The following BIN3 variants were observed in gnomAD, a reference collection of about 807,000 sequenced individuals.
BIN3 encodes bridging integrator 3.
Under a neutral mutation model 38.2 loss-of-function variants are expected in BIN3, and 41 were observed. That is an observed-to-expected ratio of 1.07 (90% CI 0.84 to 1.39). The LOEUF (loss-of-function observed/expected upper bound fraction) is 1.39. Among genes scored for constraint, BIN3 ranks in the 40% most tolerant of loss-of-function variants. The pLI is 0.00. For missense variants in BIN3, 361 were observed against 324.3 expected (o/e 1.11, Z -0.87); for synonymous variants, 145 against 122.6 (o/e 1.18, Z -1.21).
At chr8:22,621,850 C>T (rs1028875805) in intron 8 of BIN3, among the ~76,000 whole-genome samples, 4 of 152,152 alleles carry the variant, frequency 2.6e-5, no homozygotes, top group South Asian at 2.1e-4. Flanking sequence ...CCTCCTAGGG[C>T]GACTGTGGAA....
At chr8:22,625,649 A>T in intron 6 of BIN3, 2 of 507,616 alleles carry the variant, frequency 3.9e-6, no homozygotes, top group Non-Finnish European at 3.6e-6. Flanking sequence ...GTACAGTGGT[A>T]TGATCTCTGC....
rs767807082 is a variant in BIN3, at chr8:22,629,948, G to A, written c.338+16C>T. ...TCCCATAAGTGCCCCGAGGCCCCCA[G>A]GTGACATTTACTCACTTTTTTAAGG... On this transcript the variant is annotated intron_variant, in intron 6 of 8. Transcript: ENST00000276416. 8 of 1,601,316 alleles carry A rather than the reference G, an allele frequency of 5.0e-6. No homozygotes were observed. The African/African-American group carries it at 5.4e-5, about 11-fold the overall frequency.
intron 1 of BIN3, among the ~76,000 whole-genome samples, chr8:22,655,561 C>G (rs958287603): frequency 1.3e-5 from 2 of 152,156 alleles, no homozygotes; most frequent in Non-Finnish European, 2.9e-5. Flanking sequence ...GTTCTGGCAT[C>G]TTTGTTACAA....
At chr8:22,662,025 C>T (rs1012174977) in intron 1 of BIN3, among the ~76,000 whole-genome samples, 1 of 152,202 alleles carries the variant, frequency 6.6e-6, no homozygotes, top group African/African-American at 2.4e-5. Context: ...GAACTCCTGA[C>T]CTCAACTGAT....
intron 6 of BIN3, among the ~76,000 whole-genome samples, chr8:22,626,943 G>A (rs755324846): frequency 2.6e-5 from 4 of 152,206 alleles, no homozygotes; most frequent in Non-Finnish European, 5.9e-5. Context: ...GGTGAGGGAG[G>A]CCGGGTTACA....
intron 1 of BIN3, 187 bp from the exon 2 acceptor site, chr8:22,644,990 T>G (rs554887090): frequency 3.6e-6 from 2 of 548,210 alleles, no homozygotes; most frequent in Non-Finnish European, 6.7e-6. Context: ...AAGAGAGAGA[T>G]AGGTCCTCCC....
intron 1 of BIN3, among the ~76,000 whole-genome samples, chr8:22,649,859 C>CACCCA (rs1563973928): frequency 1.5e-5 from 2 of 133,592 alleles, no homozygotes; most frequent in African/African-American, 6.5e-5. Context: ...ACACACACAC[C>CACCCA]CCCAAAGGAA....
chr8:22,647,939 A>T (rs1387368818), intron 1 of BIN3, among the ~76,000 whole-genome samples: 2 of 151,752 alleles, frequency 1.3e-5, no homozygotes, highest in Non-Finnish European at 2.9e-5. Context: ...ATCCTGGCTA[A>T]CACGGTGAAA....
chr8:22,627,036 C>A (rs73671217), intron 6 of BIN3, among the ~76,000 whole-genome samples: 1 of 152,202 alleles, frequency 6.6e-6, no homozygotes, highest in Non-Finnish European at 1.5e-5. Context: ...GGAACCAAGA[C>A]CACCTGCCTC....
chr8:22,667,864 C>T (rs577991334), intron 1 of BIN3, among the ~76,000 whole-genome samples: 34 of 152,188 alleles, frequency 2.2e-4, no homozygotes, highest in African/African-American at 8.2e-4. Flanking sequence ...AGAAGTATCC[C>T]TGACACTGAC....
At chr8:22,643,909 T>G (rs1352415623) in intron 2 of BIN3, among the ~76,000 whole-genome samples, 2 of 152,130 alleles carry the variant, frequency 1.3e-5, no homozygotes, top group African/African-American at 4.8e-5. Flanking sequence ...CCACTCAGAT[T>G]TGTGGGTCAG....
At chr8:22,635,397 A>G (rs1212101643) in intron 4 of BIN3, among the ~76,000 whole-genome samples, 1 of 151,940 alleles carries the variant, frequency 6.6e-6, no homozygotes, top group Non-Finnish European at 1.5e-5. Context: ...GCATCTGCTG[A>G]GTGAGAGGAA....
chr8:22,621,299 G>C lies in BIN3; in HGVS notation c.*123C>G. ...CTCAGGAAGAGTCATTCATTGCAAAGGGCCGGCAAGTGAACCAGGGCCACC... is the reference window on the plus strand; with the variant it reads ...CTCAGGAAGAGTCATTCATTGCAAACGGCCGGCAAGTGAACCAGGGCCACC... On this transcript the variant is annotated 3_prime_UTR_variant, in exon 9 of 9. Coordinates refer to ENST00000276416, the MANE Select transcript of BIN3 (RefSeq NM_018688.6). 7.6e-7 allele frequency: 1 copy of C among 1,316,208 alleles called. No individual in the cohort carries two copies. Among genetic ancestry groups the C allele is most frequent in the South Asian group, 1.5e-5 (1 of 67,708 alleles). 81.5% of individuals were successfully genotyped at this position (1,316,208 alleles called of 1,614,324 possible).
chr8:22,648,941 AAGTGTG>A (rs1802798622), intron 1 of BIN3, among the ~76,000 whole-genome samples: 2 of 149,664 alleles, frequency 1.3e-5, no homozygotes, highest in South Asian at 4.2e-4. Context: ...GTATGTATGT[AAGTGTG>A]TGTGTGTATT....
intron 6 of BIN3, among the ~76,000 whole-genome samples, chr8:22,629,299 G>C (rs1802103505): frequency 6.6e-6 from 1 of 152,176 alleles, no homozygotes; most frequent in African/African-American, 2.4e-5. Context: ...CTAGGTCACA[G>C]CCTGCTCGAG....
intron 6 of BIN3, among the ~76,000 whole-genome samples, chr8:22,629,046 G>A (rs1802096596): frequency 6.6e-6 from 1 of 152,234 alleles, no homozygotes; most frequent in Non-Finnish European, 1.5e-5. Context: ...AGAAACAAGA[G>A]CTTGCTAGGG....
chr8:22,626,140 A>C (rs1042090692), intron 6 of BIN3: 1 of 152,330 alleles, frequency 6.6e-6, no homozygotes, highest in Middle Eastern at 3.1e-3. Context: ...AGCACCCTGA[A>C]TGCTCACCCG....
intron 1 of BIN3, among the ~76,000 whole-genome samples, chr8:22,656,938 T>C (rs73671247): frequency 0.015 from 2,337 of 152,344 alleles, 57 homozygotes; most frequent in African/African-American, 0.052. Flanking sequence ...TCCTGCTTTC[T>C]GATTATGACA....
rs914419283 is a variant in BIN3, at chr8:22,668,937, G to C, written c.8+107C>G. On this transcript the variant is annotated intron_variant, in intron 1 of 8. Coordinates refer to ENST00000276416, the MANE Select transcript of BIN3 (RefSeq NM_018688.6). ...GGCTGTCGGGCCTTGCTCTGGGGCG[G>C]AGGGGTCGCGCGGGACCGGAGGGAG... The C allele has an allele frequency of 6.8e-5, 98 of 1,447,492 alleles. No individual in the cohort carries two copies. In the African/African-American group the frequency reaches 1.3e-3, roughly 19 times the overall value. 89.7% of individuals were successfully genotyped at this position (1,447,492 alleles called of 1,614,324 possible).
Sources: gnomAD v4.1 joint callset for allele counts (sites outside exome capture counted in the v4.1 genomes callset) on GRCh38, gnomAD v4.1.1 for gene constraint, MANE v1.5 for transcripts, NCBI Gene and HGNC (gene_info 2026-07-23, HGNC 2026-07-21) for gene names.